The following ACOX3 variants were observed in gnomAD, a reference collection of about 807,000 sequenced individuals.
The protein encoded by ACOX3 is acyl-CoA oxidase 3, pristanoyl, also known as peroxisomal acyl-coenzyme A oxidase 3.
ACOX3 carries 73 observed loss-of-function variants against 81.5 expected under a neutral mutation model. That is an observed-to-expected ratio of 0.90 (90% CI 0.74 to 1.09). The LOEUF (loss-of-function observed/expected upper bound fraction) is 1.09, where lower values mean the gene tolerates loss of function less well. Among genes scored for constraint, ACOX3 ranks in the 50% least tolerant of loss-of-function variants. ACOX3 has a pLI of 0.00. For synonymous variants in ACOX3, 387 were observed against 375.1 expected (o/e 1.03, Z -0.37); for missense variants, 947 against 928.0 (o/e 1.02, Z -0.27).
chr4:8,392,498 A>T (rs2108869046), intron 10 of ACOX3, 45 bp from the exon 11 acceptor site: 1 of 1,481,650 alleles, frequency 6.7e-7, no homozygotes, highest in Non-Finnish European at 9.0e-7. Context: ...AAGAGACTTT[A>T]GACACCAAAA....
intron 1 of ACOX3, chr4:8,438,874 G>A (rs533475817): frequency 3.9e-5 from 6 of 152,284 alleles, no homozygotes; most frequent in African/African-American, 9.6e-5. Flanking sequence ...CGGCTGATTC[G>A]GAGACGAGAC....
Position 8,421,256 on chromosome 4 carries a change from A to G in ACOX3, c.-14-4721T>C, listed in dbSNP as rs182703880. On this transcript the variant is annotated intron_variant, in intron 1 of 17. Coordinates refer to ENST00000356406, the MANE Select transcript of ACOX3 (RefSeq NM_003501.3). The stretch of plus-strand genomic sequence containing the variant: ...GGCACCTGTTGGCTGGTTAAAAATG[A>G]TTAATGTGGCCACCGGACTTAAGAC... Among the ~76,000 whole-genome samples the G allele has an allele frequency of 1.3e-4, 20 of 152,326 alleles. No individual in the cohort carries two copies. The East Asian group carries it at 3.9e-3, about 29-fold the overall frequency.
At chr4:8,397,552 C>T (rs1481145744) in intron 8 of ACOX3, among the ~76,000 whole-genome samples, 4 of 152,242 alleles carry the variant, frequency 2.6e-5, no homozygotes, top group Non-Finnish European at 5.9e-5. Context: ...TTCACGGACA[C>T]CTCTTGATCC....
Position 8,384,356 on chromosome 4 carries a change from G to C in ACOX3, c.1538-2749C>G, listed in dbSNP as rs1305553823. Among the ~76,000 whole-genome samples, 11 of 152,224 alleles carry C rather than the reference G, an allele frequency of 7.2e-5. No homozygotes were observed. Among genetic ancestry groups the C allele is most frequent in the Non-Finnish European group, 1.3e-4 (9 of 68,034 alleles). ...AAGCAAACAATGAAAGGTGGGTGTT[G>C]TGTGTGTCATTTTCAGAGTTAATGT... On this transcript the variant is annotated intron_variant, in intron 13 of 17. Coordinates refer to ENST00000356406, the MANE Select transcript of ACOX3 (RefSeq NM_003501.3). This position sits in a 1 kb window ranked among gnomAD's most constrained non-coding sequence, Gnocchi z 5.3.
rs3068615 is a variant in ACOX3 at position 8,400,250 on chromosome 4, CAATAAT to C, written c.777-604_777-599del. ...TTGGTGACAGAGCAAGACTCCACCT[CAATAAT>C]AATAATAATAATAATAATAATAATA... On this transcript the variant is annotated intron_variant, in intron 7 of 17. Coordinates refer to ENST00000356406, the MANE Select transcript of ACOX3 (RefSeq NM_003501.3). This position sits in a 1 kb window ranked among gnomAD's most constrained non-coding sequence, Gnocchi z 4.4. Among the ~76,000 whole-genome samples the C allele has an allele frequency of 0.37, 54,059 of 146,100 alleles. 10,186 individuals carry two copies. Among genetic ancestry groups the C allele is most frequent in the South Asian group, 0.46 (2,088 of 4,526 alleles).
rs1718015598 is a variant in ACOX3 at position 8,384,099 on chromosome 4, G to A, written c.1538-2492C>T. 1.3e-5 allele frequency among the ~76,000 whole-genome samples: 2 copies of A among 152,178 alleles called. No homozygotes were observed. ...GGTGGACACTTCACGGCAGTTACCC[G>A]AGTTTTCCAATCTGTCTCTGCAACC... is the stretch of plus-strand genomic sequence containing the variant. On this transcript the variant is annotated intron_variant, in intron 13 of 17. Coordinates refer to ENST00000356406, the MANE Select transcript of ACOX3 (RefSeq NM_003501.3). This position sits in a 1 kb window ranked among gnomAD's most constrained non-coding sequence, Gnocchi z 5.3.
chr4:8,410,609 T>C (rs1721609862), intron 5 of ACOX3, among the ~76,000 whole-genome samples: 1 of 151,978 alleles, frequency 6.6e-6, no homozygotes, highest in African/African-American at 2.4e-5. Context: ...TCCAGGGAGT[T>C]TTCATTATCA....
chr4:8,421,490 C>G (rs1489731876), intron 1 of ACOX3, among the ~76,000 whole-genome samples: 2 of 152,254 alleles, frequency 1.3e-5, no homozygotes, highest in Non-Finnish European at 2.9e-5. Flanking sequence ...TCAACAGTTG[C>G]CCATGCGTGC....
rs1719798230 is a variant in ACOX3 at position 8,397,118 on chromosome 4, T to A, written c.875A>T (p.Asp292Val). ...PEGTYVSPFK[D>V]VRQRFGASLG... ...GGACGCTCCAAAGCGCTGCCTGACG[T>A]CCTACGGGAGGGACACAGATGATAA... Residue 292 changes from aspartate to valine, a missense_variant and splice_region_variant, in exon 9 of 18, where the codon GAC becomes GTC. Coordinates refer to ENST00000356406, the MANE Select transcript of ACOX3 (RefSeq NM_003501.3). 2 of 1,550,152 alleles carry A rather than the reference T, an allele frequency of 1.3e-6. No homozygotes were observed. Among genetic ancestry groups the A allele is most frequent in the Non-Finnish European group, 8.7e-7 (1 of 1,151,656 alleles).
rs1723914917 is a variant in ACOX3 at position 8,430,883 on chromosome 4, C to T, written c.-15+9765G>A. 6.6e-6 allele frequency among the ~76,000 whole-genome samples: 1 copy of T among 152,036 alleles called. No individual in the cohort carries two copies. On this transcript the variant is annotated intron_variant, in intron 1 of 17. Coordinates refer to ENST00000356406, the MANE Select transcript of ACOX3 (RefSeq NM_003501.3). This position sits in a 1 kb window ranked among gnomAD's most constrained non-coding sequence, Gnocchi z 5.2. ...AAAAATAAAAATAAAAATATCTTCC[C>T]ACTGGGAAATGATTTGGGTCCATTG... is the stretch of plus-strand genomic sequence containing the variant.
chr4:8,429,713 T>C (rs1027333114), intron 1 of ACOX3, among the ~76,000 whole-genome samples: 1 of 152,082 alleles, frequency 6.6e-6, no homozygotes, highest in African/African-American at 2.4e-5. Flanking sequence ...AAAACAGGGT[T>C]AGTAAAAACA....
At chr4:8,404,911 C>T (rs1188249541) in intron 7 of ACOX3, among the ~76,000 whole-genome samples, 1 of 152,088 alleles carries the variant, frequency 6.6e-6, no homozygotes, top group Non-Finnish European at 1.5e-5. Flanking sequence ...GGGTCTACAC[C>T]CTGCTGGATC....
At position 8,368,723 on chromosome 4, in the gene ACOX3, G is replaced by A. The variant is rs1365052638; in HGVS notation, c.1984-1643C>T. On this transcript the variant is annotated intron_variant, in intron 17 of 17. Coordinates refer to ENST00000356406, the MANE Select transcript of ACOX3 (RefSeq NM_003501.3). The surrounding 1 kb of genome is among the most constrained non-coding windows in gnomAD (Gnocchi z 5.9). ...TACACCAGTTCCTTGCAACTGGAAG[G>A]AATGCACTTTTTTTTTTTTTTTTGA... is the stretch of plus-strand genomic sequence containing the variant. Among the ~76,000 whole-genome samples the A allele has an allele frequency of 2.0e-5, 3 of 151,512 alleles. No individual in the cohort carries two copies. Among genetic ancestry groups the A allele is most frequent in the Non-Finnish European group, 4.4e-5 (3 of 67,950 alleles).
chr4:8,364,712 G>T (rs935358283), downstream of ACOX3, among the ~76,000 whole-genome samples: 6 of 152,368 alleles, frequency 3.9e-5, no homozygotes, highest in East Asian at 1.2e-3. This position sits in a 1 kb window ranked among gnomAD's most constrained non-coding sequence, Gnocchi z 5.0. Flanking sequence ...TGTAAACCTT[G>T]AACATACCCT....
In ACOX3 at chr4:8,392,457, T is replaced by C. The variant is rs1560180681; in HGVS notation, c.1180-4A>G. The C allele has an allele frequency of 6.4e-7, 1 of 1,563,404 alleles. No individual in the cohort carries two copies. Among genetic ancestry groups the C allele is most frequent in the Admixed American group, 2.1e-5 (1 of 48,084 alleles). On this transcript the variant is annotated splice_region_variant and splice_polypyrimidine_tract_variant and intron_variant, in intron 10 of 17. Transcript: ENST00000356406. The stretch of plus-strand genomic sequence containing the variant: ...GGATCTCACGTCCAAGCTCTGCCTT[T>C]GGGTGAGGGAATCCAACAAGAACAG...
chr4:8,402,753 T>TTG (rs144037293), intron 7 of ACOX3, among the ~76,000 whole-genome samples: 2 of 151,438 alleles, frequency 1.3e-5, no homozygotes, highest in Non-Finnish European at 1.5e-5. Context: ...AGCACAGGAG[T>TTG]TGTGTGTGTG....
At chr4:8,396,407 T>C (rs1047377028) in intron 9 of ACOX3, among the ~76,000 whole-genome samples, 1 of 152,210 alleles carries the variant, frequency 6.6e-6, no homozygotes, top group African/African-American at 2.4e-5. Flanking sequence ...CCGGGCACAG[T>C]GACTCATGCC....
Position 8,414,862 on chromosome 4 carries a change from T to C in ACOX3, c.445A>G (p.Arg149Gly), listed in dbSNP as rs114127771. The C allele has an allele frequency of 8.2e-4, 1,327 of 1,614,152 alleles. 10 individuals are homozygous for C. The Middle Eastern group carries it at 8.7e-3, about 11-fold the overall frequency. ...CATGAACCAGAACTTACCTCCATCC[T>C]GAAGATCTTTTGAATATATGTGAGA... The part of the protein sequence containing the change: ...RHLTYIQKIF[R>G]MEIFGCFALT... The change falls in exon 4 of 18, where the codon AGG (arginine) becomes GGG (glycine). Residue 149 changes from arginine (R) to glycine (G), a missense_variant. Physicochemically the swap from Arg to Gly is moderately radical, Grantham distance 125 (BLOSUM62 -2). Coordinates refer to ENST00000356406, the MANE Select transcript of ACOX3 (RefSeq NM_003501.3). This position sits in a 1 kb window ranked among gnomAD's most constrained non-coding sequence, Gnocchi z 6.1.
intron 1 of ACOX3, among the ~76,000 whole-genome samples, chr4:8,420,992 C>A (rs535580331): frequency 6.6e-6 from 1 of 152,190 alleles, no homozygotes; most frequent in Non-Finnish European, 1.5e-5. Flanking sequence ...TAACACTCAC[C>A]GCATGGCCCA....
Sources: gnomAD v4.1 joint callset for allele counts (sites outside exome capture counted in the v4.1 genomes callset) on GRCh38, gnomAD v4.1.1 for gene constraint, Gnocchi (gnomAD v3.1) non-coding constraint, MANE v1.5 for transcripts, NCBI Gene and HGNC (gene_info 2026-07-23, HGNC 2026-07-21) for gene names.